The following PPM1H variants were observed in gnomAD, a reference collection of about 807,000 sequenced individuals.
PPM1H encodes the protein protein phosphatase, Mg2+/Mn2+ dependent 1H.
Under a neutral mutation model 54.9 loss-of-function variants are expected in PPM1H, and 27 were observed. That is an observed-to-expected ratio of 0.49 (90% CI 0.36 to 0.68). PPM1H has a LOEUF of 0.68. Ranked by LOEUF, PPM1H falls within the 30% of genes least tolerant of loss-of-function variation. The pLI is 0.00. For missense variants in PPM1H, 596 were observed against 667.8 expected, an observed-to-expected ratio of 0.89 and a Z score of 1.19; for synonymous variants, 305 against 270.8, an observed-to-expected ratio of 1.13 and a Z score of -1.24.
intron 1 of PPM1H, among the ~76,000 whole-genome samples, chr12:62,923,621 C>T (rs542579369): frequency 2.6e-5 from 4 of 152,310 alleles, no homozygotes; most frequent in Non-Finnish European, 5.9e-5. Context: ...AAGCTGGTCT[C>T]GAGCTCCTGA....
intron 2 of PPM1H, among the ~76,000 whole-genome samples, chr12:62,813,020 C>CG (rs1250195893): frequency 6.6e-6 from 1 of 151,728 alleles, no homozygotes; most frequent in African/African-American, 2.4e-5. Context: ...ACCTGAACTC[C>CG]GGGGAATCCA....
At chr12:62,877,932 C>A (rs754401161) in intron 1 of PPM1H, among the ~76,000 whole-genome samples, 1 of 152,200 alleles carries the variant, frequency 6.6e-6, no homozygotes, top group Admixed American at 6.5e-5. Flanking sequence ...GGGTCTCGCT[C>A]TATCGTCCAG....
intron 1 of PPM1H, among the ~76,000 whole-genome samples, chr12:62,883,249 A>G (rs1695003): frequency 0.57 from 85,912 of 151,840 alleles, 26,269 homozygotes; most frequent in African/African-American, 0.79. Flanking sequence ...CTCTGAACAC[A>G]GGATGCTGAC....
chr12:62,668,505 A>C (rs971357672), intron 8 of PPM1H, among the ~76,000 whole-genome samples: 7 of 152,092 alleles, frequency 4.6e-5, no homozygotes, highest in African/African-American at 1.7e-4. Context: ...CCTCCCAAGT[A>C]GCTGGGATTA....
At chr12:62,711,823 G>A (rs554986425) in intron 6 of PPM1H, among the ~76,000 whole-genome samples, 4 of 152,218 alleles carry the variant, frequency 2.6e-5, no homozygotes, top group South Asian at 4.1e-4. Flanking sequence ...AATGGGGAGC[G>A]AGCTGGTGGG....
At chr12:62,836,948 T>C (rs1868520199) in intron 1 of PPM1H, among the ~76,000 whole-genome samples, 1 of 152,148 alleles carries the variant, frequency 6.6e-6, no homozygotes, top group Admixed American at 6.5e-5. Flanking sequence ...TTTACAAACT[T>C]GAAAGTAAAA....
chr12:62,776,468 G>A (rs1290782796), intron 4 of PPM1H, among the ~76,000 whole-genome samples: 1 of 152,204 alleles, frequency 6.6e-6, no homozygotes, highest in East Asian at 1.9e-4. Flanking sequence ...CATGAAGGCA[G>A]GGTTTTTTTG....
At chr12:62,791,290 C>T (rs2076699880) in intron 3 of PPM1H, among the ~76,000 whole-genome samples, 1 of 151,958 alleles carries the variant, frequency 6.6e-6, no homozygotes, top group South Asian at 2.1e-4. Flanking sequence ...GGAGGAGGGG[C>T]ACGGGTGTCA....
intron 7 of PPM1H, among the ~76,000 whole-genome samples, chr12:62,692,958 C>CAT (rs1231246841): frequency 3.3e-5 from 5 of 151,960 alleles, no homozygotes; most frequent in Non-Finnish European, 7.4e-5. Context: ...CACACACACA[C>CAT]ACACACTCTG....
chr12:62,760,592 G>T (rs2076502894), intron 4 of PPM1H, among the ~76,000 whole-genome samples: 1 of 152,172 alleles, frequency 6.6e-6, no homozygotes, highest in African/African-American at 2.4e-5. Flanking sequence ...GAGGTGGCTG[G>T]AGCTGAAGGC....
At chr12:62,764,397 T>C (rs1388904821) in intron 4 of PPM1H, among the ~76,000 whole-genome samples, 1 of 152,168 alleles carries the variant, frequency 6.6e-6, no homozygotes, top group Non-Finnish European at 1.5e-5. Context: ...AGCAAATCTG[T>C]CTCAAATGTT....
chr12:62,871,065 C>G (rs182514336), intron 1 of PPM1H, among the ~76,000 whole-genome samples: 1 of 152,118 alleles, frequency 6.6e-6, no homozygotes, highest in East Asian at 1.9e-4. Flanking sequence ...AGGTATGTAC[C>G]CAAGAGAACT....
chr12:62,863,442 G>A (rs186348419), intron 1 of PPM1H, among the ~76,000 whole-genome samples: 1 of 152,018 alleles, frequency 6.6e-6, no homozygotes, highest in Non-Finnish European at 1.5e-5. Flanking sequence ...AATGCAAAAG[G>A]GTGTCTAATA....
At chr12:62,805,262 GAATGT>G (rs2076799760) in intron 2 of PPM1H, among the ~76,000 whole-genome samples, 1 of 152,126 alleles carries the variant, frequency 6.6e-6, no homozygotes, top group African/African-American at 2.4e-5. Context: ...CTGTCAGTGG[GAATGT>G]AAATTGGTAC....
intron 9 of PPM1H, among the ~76,000 whole-genome samples, chr12:62,651,652 T>C (rs1004768369): frequency 2.0e-5 from 3 of 152,208 alleles, no homozygotes; most frequent in Non-Finnish European, 4.4e-5. Context: ...TGGTTCTCTC[T>C]TCACCATCCA....
chr12:62,667,988 A>G (rs958188408), intron 8 of PPM1H, among the ~76,000 whole-genome samples: 4 of 152,318 alleles, frequency 2.6e-5, no homozygotes, highest in Middle Eastern at 3.4e-3. Flanking sequence ...AGGAGCCTCA[A>G]CTGAGGCTCA....
intron 1 of PPM1H, among the ~76,000 whole-genome samples, chr12:62,918,205 C>T (rs561265257): frequency 6.6e-6 from 1 of 152,162 alleles, no homozygotes; most frequent in South Asian, 2.1e-4. Flanking sequence ...CCAAGACTAC[C>T]TCAAGCTGCC....
At chr12:62,658,779 A>AAAG in intron 9 of PPM1H, 1 of 434,740 alleles carries the variant, frequency 2.3e-6, no homozygotes, top group Non-Finnish European at 4.3e-6. Context: ...ACTGTGATAG[A>AAAG]AAAGAAAGAA....
chr12:62,648,926 TCA>T (rs2075801111), intron 9 of PPM1H, among the ~76,000 whole-genome samples: 1 of 152,208 alleles, frequency 6.6e-6, no homozygotes, highest in African/African-American at 2.4e-5. Flanking sequence ...GAGGGGAGTC[TCA>T]GTTTGCTGCT....
Sources: allele counts gnomAD v4.1 joint callset (sites outside exome capture counted in the v4.1 genomes callset), GRCh38; gene constraint gnomAD v4.1.1; transcripts MANE v1.5; gene names NCBI Gene and HGNC (gene_info 2026-07-23, HGNC 2026-07-21).